The following RRAS2 variants were observed in gnomAD, a reference collection of about 807,000 sequenced individuals.
The protein encoded by RRAS2 is ras-related protein R-Ras2.
In RRAS2, 7 loss-of-function variants were observed where a neutral mutation model predicts 27.6. The ratio of observed to expected loss-of-function variants is 0.25; its 90% CI spans 0.14 to 0.48. RRAS2 has a LOEUF of 0.48. Ranked by LOEUF, RRAS2 falls within the 20% of genes least tolerant of loss-of-function variation. The probability of loss-of-function intolerance (pLI) is 0.99; values close to 1 mark genes in which losing one functional copy is unlikely to be tolerated. For synonymous variants in RRAS2, 86 were observed against 90.9 expected (o/e 0.95, Z 0.31); for missense variants, 178 against 256.2 (o/e 0.69, Z 2.08).
intron 1 of RRAS2, chr11:14,341,832 A>C (rs781974834): frequency 1.8e-5 from 8 of 454,538 alleles, no homozygotes; most frequent in African/African-American, 1.4e-4. Context: ...GAAACAAAAC[A>C]TTTGTAATAT....
At chr11:14,280,325 A>G (rs2133940858) in intron 5 of RRAS2, among the ~76,000 whole-genome samples, 1 of 152,308 alleles carries the variant, frequency 6.6e-6, no homozygotes. Context: ...CTACTAAAAA[A>G]GAAAAAGCTA....
At chr11:14,312,374 T>G (rs535193188) in intron 1 of RRAS2, among the ~76,000 whole-genome samples, 4 of 152,176 alleles carry the variant, frequency 2.6e-5, no homozygotes, top group Non-Finnish European at 5.9e-5. Context: ...TAGGATATGG[T>G]TCTGAATAAG....
At chr11:14,285,102 G>A (rs746454389) in intron 4 of RRAS2, among the ~76,000 whole-genome samples, 1 of 152,150 alleles carries the variant, frequency 6.6e-6, no homozygotes, top group Admixed American at 6.6e-5. Flanking sequence ...TGGGTTAGCT[G>A]AGTTGTTTTT....
exon 1 of RRAS2, chr11:14,364,494 A>G: frequency 2.0e-6 from 2 of 1,013,556 alleles, no homozygotes; most frequent in Non-Finnish European, 3.0e-6. Flanking sequence ...CAGGAGCTGC[A>G]TGCATCTGAG....
At chr11:14,324,923 G>A in intron 1 of RRAS2, among the ~76,000 whole-genome samples, 1 of 152,164 alleles carries the variant, frequency 6.6e-6, no homozygotes, top group East Asian at 1.9e-4. Flanking sequence ...GTGATGCTGG[G>A]ATAACTAGTT....
At chr11:14,321,242 T>C (rs1848217573) in intron 1 of RRAS2, among the ~76,000 whole-genome samples, 1 of 152,168 alleles carries the variant, frequency 6.6e-6, no homozygotes, top group Non-Finnish European at 1.5e-5. Context: ...TAAAATCTTA[T>C]GTCTATACCA....
At chr11:14,320,129 C>T (rs1848193980) in intron 1 of RRAS2, among the ~76,000 whole-genome samples, 1 of 151,998 alleles carries the variant, frequency 6.6e-6, no homozygotes, top group Non-Finnish European at 1.5e-5. Flanking sequence ...ACAAAAAAAG[C>T]CACATTCATT....
At chr11:14,293,124 A>AATATATATATATATATATATATATAT (rs781860601) in intron 4 of RRAS2, among the ~76,000 whole-genome samples, 19 of 76,796 alleles carry the variant, frequency 2.5e-4, no homozygotes, top group African/African-American at 3.8e-4. Flanking sequence ...AAACAAAACA[A>AATATATATATATATATATATATATAT]ATATATATAT....
intron 1 of RRAS2, among the ~76,000 whole-genome samples, chr11:14,296,731 T>C (rs1344063964): frequency 1.3e-5 from 2 of 152,182 alleles, no homozygotes; most frequent in Non-Finnish European, 2.9e-5. Context: ...AAACTTACTC[T>C]TTCACTGACA....
intron 1 of RRAS2, among the ~76,000 whole-genome samples, chr11:14,311,582 GT>G (rs1404015289): frequency 2.0e-5 from 3 of 151,966 alleles, no homozygotes; most frequent in East Asian, 1.9e-4. Context: ...GGCCAGGCTG[GT>G]CTTGAATTCC....
chr11:14,322,604 C>T (rs1848251383), intron 1 of RRAS2, among the ~76,000 whole-genome samples: 1 of 152,124 alleles, frequency 6.6e-6, no homozygotes. Context: ...CTAAGAAAAC[C>T]TTAATCATCC....
intron 1 of RRAS2, among the ~76,000 whole-genome samples, chr11:14,316,606 G>A (rs528442271): frequency 1.3e-5 from 2 of 152,262 alleles, no homozygotes; most frequent in African/African-American, 2.4e-5. Context: ...AGCCAGGCAC[G>A]GTGGTACACC....
chr11:14,346,960 G>C (rs1182731381), intron 1 of RRAS2, among the ~76,000 whole-genome samples: 7 of 152,118 alleles, frequency 4.6e-5, no homozygotes, highest in African/African-American at 1.4e-4. Context: ...TTTAAGACTA[G>C]CTTGGGCAAC....
chr11:14,319,008 T>C (rs1312524579), intron 1 of RRAS2, among the ~76,000 whole-genome samples: 1 of 152,188 alleles, frequency 6.6e-6, no homozygotes, highest in Non-Finnish European at 1.5e-5. Flanking sequence ...GTCTCCATCA[T>C]ACAGGTGAGG....
At chr11:14,344,552 T>C (rs1848788278) in intron 1 of RRAS2, among the ~76,000 whole-genome samples, 1 of 152,250 alleles carries the variant, frequency 6.6e-6, no homozygotes, top group Non-Finnish European at 1.5e-5. Context: ...AATCTTCCTC[T>C]GCAGTTTGAC....
intron 1 of RRAS2, among the ~76,000 whole-genome samples, chr11:14,356,311 T>C (rs1385875941): frequency 2.0e-5 from 3 of 152,160 alleles, no homozygotes; most frequent in African/African-American, 7.2e-5. Context: ...CTCCCACATA[T>C]GACATTTCCA....
At chr11:14,342,042 G>A in intron 1 of RRAS2, 1 of 731,288 alleles carries the variant, frequency 1.4e-6, no homozygotes. Flanking sequence ...GCTTTTATCA[G>A]TAGCCATCAA....
chr11:14,358,457 C>T lies in RRAS2; in HGVS notation c.108+306G>A. The T allele has an allele frequency of 7.1e-6, 7 of 985,514 alleles. No individual in the cohort carries two copies. Among genetic ancestry groups the T allele is most frequent in the Non-Finnish European group, 8.4e-6 (7 of 830,074 alleles). The allele number at this position is 985,514 out of a possible 1,614,324, so 61.0% of individuals were successfully genotyped here. A position where few individuals can be genotyped will look rare whatever the true frequency, so the allele number is the denominator to read the frequency against. On this transcript the variant is annotated intron_variant, in intron 1 of 5. Transcript: ENST00000256196. This position sits in a 1 kb window ranked among gnomAD's most constrained non-coding sequence, Gnocchi z 5.1. The stretch of plus-strand genomic sequence containing the variant: ...CCCGGCTCGGTGGCCCAGCCTCTCC[C>T]GGAGGTCTCTGGCCTCGGCCAGAGC...
At chr11:14,329,218 G>A (rs1295569791) in intron 1 of RRAS2, among the ~76,000 whole-genome samples, 1 of 151,088 alleles carries the variant, frequency 6.6e-6, no homozygotes, top group African/African-American at 2.4e-5. Flanking sequence ...AGGTTCAAGG[G>A]ATTCTCCTGC....
Sources: gnomAD v4.1 joint callset for allele counts (sites outside exome capture counted in the v4.1 genomes callset) on GRCh38, gnomAD v4.1.1 for gene constraint, Gnocchi (gnomAD v3.1) non-coding constraint, MANE v1.5 for transcripts, NCBI Gene and HGNC (gene_info 2026-07-23, HGNC 2026-07-21) for gene names.